RIOK3: variants seen among roughly 807,000 people sequenced by gnomAD.
RIOK3 encodes RIO kinase 3.
A neutral mutation model predicts 63.5 loss-of-function variants in RIOK3; 40 were observed. The observed-to-expected ratio is 0.63, with a 90% CI of 0.49 to 0.82. The LOEUF (loss-of-function observed/expected upper bound fraction) is 0.82. Ranked by LOEUF, RIOK3 falls within the 40% of genes least tolerant of loss-of-function variation. The pLI, the probability that RIOK3 is intolerant of heterozygous loss-of-function variation, is 0.00. For synonymous variants in RIOK3, 193 were observed against 205.0 expected (o/e 0.94, Z 0.50); for missense variants, 557 against 637.0 (o/e 0.87, Z 1.35).
chr18:23,469,062 G>A (rs188204761), intron 7 of RIOK3, among the ~76,000 whole-genome samples: 3 of 152,294 alleles, frequency 2.0e-5, no homozygotes, highest in East Asian at 1.9e-4. Flanking sequence ...CGTCTCACAG[G>A]CCTCTTCACA....
In RIOK3 at chr18:23,481,441, A is replaced by G; in HGVS notation, c.*162A>G. ...CATGTGCCAGATGTGTGGAATTTTT[A>G]GCTCAGCATTGAGAGAATAAAATGT... On this transcript the variant is annotated 3_prime_UTR_variant, in exon 13 of 13. Transcript: ENST00000339486. 1.9e-6 allele frequency: 1 copy of G among 523,838 alleles called. No homozygotes were observed. The allele number at this position is 523,838 out of a possible 1,614,324, so 32.4% of individuals were successfully genotyped here.
At chr18:23,459,848 TA>T (rs2057363234) in intron 1 of RIOK3, among the ~76,000 whole-genome samples, 1 of 152,090 alleles carries the variant, frequency 6.6e-6, no homozygotes, top group Admixed American at 6.6e-5. Flanking sequence ...TAAATTAGTA[TA>T]AAAAATACTA....
At chr18:23,471,834 G>C (rs1338033080) in intron 7 of RIOK3, among the ~76,000 whole-genome samples, 1 of 152,090 alleles carries the variant, frequency 6.6e-6, no homozygotes, top group Non-Finnish European at 1.5e-5. Context: ...GTTTTGTTTT[G>C]GGCATATTAA....
chr18:23,457,962 T>C (rs946417182), intron 1 of RIOK3, among the ~76,000 whole-genome samples: 15 of 152,102 alleles, frequency 9.9e-5, no homozygotes, highest in African/African-American at 3.4e-4. Flanking sequence ...TGGTGCAATC[T>C]TGGCTCACTG....
At chr18:23,455,154 C>T (rs2057330527) in intron 1 of RIOK3, among the ~76,000 whole-genome samples, 1 of 152,092 alleles carries the variant, frequency 6.6e-6, no homozygotes, top group South Asian at 2.1e-4. Flanking sequence ...TCACTGCGAC[C>T]TCTGCCTTCC....
At position 23,462,969 on chromosome 18, in the gene RIOK3, A is replaced by G. The variant is rs201554501; in HGVS notation, c.69A>G (p.Pro23=). The change falls in exon 2 of 13, where the codon CCA becomes CCG. Residue 23 remains proline (P), a synonymous_variant. Coordinates refer to ENST00000339486, the MANE Select transcript of RIOK3 (RefSeq NM_003831.5). Reference sequence around the variant, plus strand: ...TCTTTTTTCTTTTTTCATAGTGTCCATGGGCTATTCCTCAAAATACAATAT... The same window carrying G: ...TCTTTTTTCTTTTTTCATAGTGTCCGTGGGCTATTCCTCAAAATACAATAT... ...TAAAWGPSKC[P]WAIPQNTISC... 10 of 1,548,994 alleles carry G rather than the reference A, an allele frequency of 6.5e-6. No homozygotes were observed. The highest frequency in any genetic ancestry group is 8.8e-6 in the Non-Finnish European group (10 of 1,142,002).
At chr18:23,470,677 T>C (rs914468446) in intron 7 of RIOK3, among the ~76,000 whole-genome samples, 3 of 152,302 alleles carry the variant, frequency 2.0e-5, no homozygotes, top group Non-Finnish European at 4.4e-5. Flanking sequence ...TAGGAAGGTA[T>C]GTGCTTAGAG....
rs202186486 is a variant in RIOK3 at position 23,479,369 on chromosome 18, A to G, written c.1397A>G (p.Asn466Ser). The G allele has an allele frequency of 6.2e-6, 10 of 1,613,882 alleles. No homozygotes were observed. Among genetic ancestry groups the G allele is most frequent in the East Asian group, 2.2e-5 (1 of 44,886 alleles). ...GCCCTTAGTGAACGAGAACTCTTCA[A>G]TGCTGTTTCAGGCTTAAACATCACA... The part of the protein sequence containing the change: ...KEALSERELF[N>S]AVSGLNITAD... The change falls in exon 12 of 13, where the codon AAT (asparagine) becomes AGT (serine). Residue 466 changes from asparagine (N) to serine (S), a missense_variant. Transcript: ENST00000339486.
chr18:23,459,946 G>A (rs562600291), intron 1 of RIOK3, among the ~76,000 whole-genome samples: 2 of 152,092 alleles, frequency 1.3e-5, no homozygotes, highest in Non-Finnish European at 2.9e-5. Flanking sequence ...CGCCTGCCTC[G>A]GCCTCTCAAA....
At chr18:23,461,519 G>T (rs962978961) in intron 1 of RIOK3, among the ~76,000 whole-genome samples, 1 of 152,134 alleles carries the variant, frequency 6.6e-6, no homozygotes, top group African/African-American at 2.4e-5. Context: ...TATGGAAGAG[G>T]GATGGAAAGA....
chr18:23,475,777 A>G (rs1419327092), intron 9 of RIOK3, among the ~76,000 whole-genome samples: 3 of 152,176 alleles, frequency 2.0e-5, no homozygotes, highest in Non-Finnish European at 4.4e-5. Context: ...ATAGTTTTAG[A>G]AAACTTACAG....
chr18:23,453,644 CG>C, intron 1 of RIOK3, 142 bp downstream of exon 1: 1 of 719,528 alleles, frequency 1.4e-6, no homozygotes. Flanking sequence ...GCACTGGCCG[CG>C]GGGGTGCCGG....
chr18:23,471,450 G>A (rs576372694), intron 7 of RIOK3, among the ~76,000 whole-genome samples: 1 of 152,330 alleles, frequency 6.6e-6, no homozygotes, highest in African/African-American at 2.4e-5. Context: ...GGCTGGACCA[G>A]GTAGGATTTT....
At chr18:23,470,633 G>T (rs2057450426) in intron 7 of RIOK3, among the ~76,000 whole-genome samples, 1 of 152,170 alleles carries the variant, frequency 6.6e-6, no homozygotes, top group Non-Finnish European at 1.5e-5. Context: ...AAAGGCTAAG[G>T]GTGGGAGAGT....
intron 1 of RIOK3, among the ~76,000 whole-genome samples, chr18:23,457,218 A>T (rs574765160): frequency 6.6e-6 from 1 of 152,340 alleles, no homozygotes; most frequent in South Asian, 2.1e-4. Flanking sequence ...TATTATGGAC[A>T]AAGAATTTTA....
At chr18:23,454,147 T>C (rs2057323090) in intron 1 of RIOK3, among the ~76,000 whole-genome samples, 1 of 152,238 alleles carries the variant, frequency 6.6e-6, no homozygotes, top group Admixed American at 6.5e-5. Context: ...GTCCTTTTCA[T>C]GATACTTTGA....
At chr18:23,458,741 G>A (rs897013102) in intron 1 of RIOK3, among the ~76,000 whole-genome samples, 1 of 152,174 alleles carries the variant, frequency 6.6e-6, no homozygotes, top group Admixed American at 6.5e-5. Flanking sequence ...TTCATAGGAG[G>A]AGCCTGCAGT....
chr18:23,481,253 G>A lies in RIOK3; in HGVS notation c.1534G>A (p.Asp512Asn), dbSNP rs748001369. The A allele has an allele frequency of 1.2e-6, 2 of 1,607,742 alleles. No homozygotes were observed. Among genetic ancestry groups the A allele is most frequent in the South Asian group, 1.1e-5 (1 of 90,548 alleles). Residue 512 changes from aspartate to asparagine, a missense_variant, in exon 13 of 13, where the codon GAC becomes AAC. Asp to Asn is a conservative substitution (Grantham distance 23). Coordinates refer to ENST00000339486, the MANE Select transcript of RIOK3 (RefSeq NM_003831.5). Reference sequence around the variant, plus strand: ...TGCTTCATTTTTGAAAGATGATGGAGACCCACCACTACTATATGATGAATA... The same window carrying A: ...TGCTTCATTTTTGAAAGATGATGGAAACCCACCACTACTATATGATGAATA... The part of the protein sequence containing the change: ...KAASFLKDDG[D>N]PPLLYDE
At chr18:23,476,920 TAAAA>T in intron 9 of RIOK3, 82 bp from the exon 10 acceptor site, 1 of 1,154,296 alleles carries the variant, frequency 8.7e-7, no homozygotes, top group Non-Finnish European at 1.3e-6. Context: ...TCCAAAAAAA[TAAAA>T]AATAAAAAAC....
Sources: gnomAD v4.1 joint callset for allele counts (sites outside exome capture counted in the v4.1 genomes callset) on GRCh38, gnomAD v4.1.1 for gene constraint, MANE v1.5 for transcripts, NCBI Gene and HGNC (gene_info 2026-07-23, HGNC 2026-07-21) for gene names.